The following YIPF6 variants were observed in gnomAD, a reference collection of about 807,000 sequenced individuals.
YIPF6 encodes protein YIPF6.
A neutral mutation model predicts 16.8 loss-of-function variants in YIPF6; 3 were observed. The ratio of observed to expected loss-of-function variants is 0.18; its 90% CI spans 0.08 to 0.46. The LOEUF (loss-of-function observed/expected upper bound fraction) is 0.46. Ranked by LOEUF, YIPF6 falls within the 20% of genes least tolerant of loss-of-function variation. The pLI, the probability that YIPF6 is intolerant of heterozygous loss-of-function variation, is 0.98. For missense variants in YIPF6, 145 were observed against 184.9 expected, an observed-to-expected ratio of 0.78 and a Z score of 1.25; for synonymous variants, 67 against 61.9, an observed-to-expected ratio of 1.08 and a Z score of -0.38.
intron 6 of YIPF6, among the ~76,000 whole-genome samples, chrX:68,526,019 A>C (rs1352553355): frequency 8.9e-6 from 1 of 111,812 alleles, no homozygotes; most frequent in Non-Finnish European, 1.9e-5. Flanking sequence ...TACTTCTGTG[A>C]AGAAAGTCAA....
At chrX:68,501,297 AG>A (rs1350895470) in intron 1 of YIPF6, among the ~76,000 whole-genome samples, 7 of 112,490 alleles carry the variant, frequency 6.2e-5, no homozygotes, top group African/African-American at 2.3e-4. Context: ...GGGGTGACCA[AG>A]CTACATGGTG....
At chrX:68,527,427 G>T (rs1450533092) in intron 6 of YIPF6, among the ~76,000 whole-genome samples, 2 of 111,333 alleles carry the variant, frequency 1.8e-5, no homozygotes, top group African/African-American at 6.5e-5. Context: ...AACAGTTCCT[G>T]TATTCATTGA....
rs757743889 is a variant in YIPF6, at chrX:68,531,912, T to C, written c.624T>C (p.Pro208=). 2.6e-5 allele frequency: 31 copies of C among 1,192,022 alleles called. No individual in the cohort carries two copies. Among genetic ancestry groups the C allele is most frequent in the Non-Finnish European group, 3.4e-5 (30 of 884,027 alleles). ...ASTAFLADSQ[P]PNRRALAVYP... ...CAGCTTTCCTTGCTGATAGCCAGCC[T>C]CCAAACCGCAGAGCCCTAGCTGTTT... Residue 208 remains proline (P), a synonymous_variant, in exon 7 of 7, where the codon CCT becomes CCC. Coordinates refer to ENST00000462683, the MANE Select transcript of YIPF6 (RefSeq NM_173834.4).
In YIPF6 at chrX:68,534,578, C is replaced by T. The variant is rs1344451375; in HGVS notation, c.*2579C>T. On this transcript the variant is annotated 3_prime_UTR_variant, in exon 7 of 7. Transcript: ENST00000462683. The stretch of plus-strand genomic sequence containing the variant: ...CGCTGGCAATTTTTTTTTTTCTAAA[C>T]AGGAAAAGGGTTAAATGAAGGTTGA... 1 of 109,772 alleles carries T rather than the reference C, an allele frequency of 9.1e-6. No individual in the cohort carries two copies. Among genetic ancestry groups the T allele is most frequent in the African/African-American group, 3.3e-5 (1 of 30,168 alleles). 9.0% of individuals were successfully genotyped at this position (109,772 alleles called of 1,213,427 possible).
chrX:68,528,245 T>C (rs1271135895), intron 6 of YIPF6, among the ~76,000 whole-genome samples: 1 of 112,014 alleles, frequency 8.9e-6, no homozygotes, highest in Admixed American at 9.5e-5. Context: ...AATGCCCTTC[T>C]TTGTCTTTTT....
At chrX:68,505,906 A>G (rs2079057956) in intron 1 of YIPF6, among the ~76,000 whole-genome samples, 1 of 111,727 alleles carries the variant, frequency 9.0e-6, no homozygotes, top group African/African-American at 3.3e-5. Context: ...CAAGAAATTA[A>G]CATTAGTAAA....
chrX:68,520,778 A>G (rs1026154680), intron 4 of YIPF6, among the ~76,000 whole-genome samples: 6 of 111,376 alleles, frequency 5.4e-5, no homozygotes, highest in African/African-American at 1.6e-4. Context: ...GCCTATTTCC[A>G]TTTTTAAATA....
chrX:68,512,188 G>A (rs1005552277), intron 2 of YIPF6, among the ~76,000 whole-genome samples: 1 of 111,700 alleles, frequency 9.0e-6, no homozygotes, highest in East Asian at 2.8e-4. Flanking sequence ...AGCAAGGTGC[G>A]GTGGCTCGCG....
intron 6 of YIPF6, among the ~76,000 whole-genome samples, chrX:68,526,279 CTCTG>C (rs2079147466): frequency 9.0e-6 from 1 of 111,165 alleles, no homozygotes. Context: ...TGATTTGGCT[CTCTG>C]TCTGTTATTG....
intron 6 of YIPF6, among the ~76,000 whole-genome samples, chrX:68,530,399 G>C (rs1400820501): frequency 9.0e-6 from 1 of 111,080 alleles, no homozygotes; most frequent in Non-Finnish European, 1.9e-5. Context: ...TAGCTTGCTG[G>C]GCTCCATGGG....
At position 68,518,807 on chromosome X, in the gene YIPF6, C is replaced by T. The variant is rs1467928189; in HGVS notation, c.303C>T (p.Leu101=). ...GCCCTTTGATCCTTTGTGTGACACT[C>T]GCATTGTAAGTACTTGCATTTTCTT... The part of the protein sequence containing the change: ...LWGPLILCVT[L]ALMLQRDSAD... Residue 101 remains leucine (L), a synonymous_variant, in exon 4 of 7, where the codon CTC becomes CTT. Transcript: ENST00000462683. 5 of 1,176,470 alleles carry T rather than the reference C, an allele frequency of 4.2e-6. No individual in the cohort carries two copies. The highest frequency in any genetic ancestry group is 5.7e-6 in the Non-Finnish European group (5 of 882,744).
intron 1 of YIPF6, among the ~76,000 whole-genome samples, chrX:68,500,284 T>C (rs918455857): frequency 1.1e-4 from 12 of 111,651 alleles, no homozygotes; most frequent in African/African-American, 3.9e-4. Flanking sequence ...TAGTAGTTGC[T>C]CAGTAAATGG....
intron 6 of YIPF6, among the ~76,000 whole-genome samples, chrX:68,524,959 G>A (rs1021418357): frequency 8.9e-6 from 1 of 111,909 alleles, no homozygotes; most frequent in Admixed American, 9.6e-5. Flanking sequence ...TGTGAACAGT[G>A]CAGCAGTAAA....
intron 1 of YIPF6, among the ~76,000 whole-genome samples, chrX:68,508,192 C>T (rs1274865018): frequency 5.5e-5 from 6 of 108,488 alleles, no homozygotes; most frequent in Non-Finnish European, 1.1e-4. Context: ...CCTCGACCTC[C>T]TGGGCTCAGG....
rs765201351 is a variant in YIPF6 at position 68,521,705 on chromosome X, A to G, written c.434+208A>G. Among the ~76,000 whole-genome samples, 84 of 108,228 alleles carry G rather than the reference A, an allele frequency of 7.8e-4. No individual in the cohort carries two copies. In the Admixed American group the frequency reaches 8.4e-3, roughly 11 times the overall value. The allele number at this position is 108,228 out of a possible 115,157, so 94.0% of individuals were successfully genotyped here. A position where few individuals can be genotyped will look rare whatever the true frequency, so the allele number is the denominator to read the frequency against. Reference sequence around the variant, plus strand: ...CAAGTAGCTGGGATCCTCCTGCCCCAGCATCCCGAGTAGCTGGGACTACAG... The same window carrying G: ...CAAGTAGCTGGGATCCTCCTGCCCCGGCATCCCGAGTAGCTGGGACTACAG... On this transcript the variant is annotated intron_variant, in intron 5 of 6. Coordinates refer to ENST00000462683, the MANE Select transcript of YIPF6 (RefSeq NM_173834.4).
Position 68,511,968 on chromosome X carries a change from C to T in YIPF6, c.177C>T (p.Arg59=), listed in dbSNP as rs377472565. 8.3e-6 allele frequency: 10 copies of T among 1,205,605 alleles called. No homozygotes were observed. The highest frequency in any genetic ancestry group is 1.1e-5 in the Non-Finnish European group (10 of 893,792). ...GCTCCACATTAAATGAATCTGTTCG[C>T]AATACCATCGTAAGTTAGACTAGTT... is the stretch of plus-strand genomic sequence containing the variant. The part of the protein sequence containing the change: ...FDSSTLNESV[R]NTIMRDLKAV... The change falls in exon 2 of 7, where the codon CGC becomes CGT. Residue 59 remains arginine, a synonymous_variant. Coordinates refer to ENST00000462683, the MANE Select transcript of YIPF6 (RefSeq NM_173834.4).
At chrX:68,503,769 G>T (rs908929833) in intron 1 of YIPF6, among the ~76,000 whole-genome samples, 11 of 112,209 alleles carry the variant, frequency 9.8e-5, no homozygotes, top group African/African-American at 3.2e-4. Flanking sequence ...AAATTCACGG[G>T]TTCCCACGTT....
At chrX:68,509,078 G>A (rs1045979272) in intron 1 of YIPF6, among the ~76,000 whole-genome samples, 13 of 108,467 alleles carry the variant, frequency 1.2e-4, no homozygotes, top group African/African-American at 4.4e-4. Context: ...AGGGGTGGGG[G>A]TGCTATGTTG....
At chrX:68,519,493 TTTTA>T (rs1376315325) in intron 4 of YIPF6, among the ~76,000 whole-genome samples, 46 of 111,310 alleles carry the variant, frequency 4.1e-4, no homozygotes, top group African/African-American at 1.4e-3. Flanking sequence ...ATTAAAATTA[TTTTA>T]TTTTTCTTTT....
Sources: allele counts gnomAD v4.1 joint callset (sites outside exome capture counted in the v4.1 genomes callset), GRCh38; gene constraint gnomAD v4.1.1; transcripts MANE v1.5; gene names NCBI Gene and HGNC (gene_info 2026-07-23, HGNC 2026-07-21).